The following TARBP1 variants were observed in gnomAD, a reference collection of about 807,000 sequenced individuals.
TARBP1 encodes tRNA (guanosine(18)-2'-O)-methyltransferase TARBP1.
TARBP1 carries 144 observed loss-of-function variants against 178.6 expected under a neutral mutation model. The ratio of observed to expected loss-of-function variants is 0.81; its 90% CI spans 0.70 to 0.93. The LOEUF (loss-of-function observed/expected upper bound fraction) is 0.93. Ranked by LOEUF, TARBP1 falls within the 40% of genes least tolerant of loss-of-function variation. TARBP1 has a pLI of 0.00. For synonymous variants in TARBP1, 787 were observed against 781.0 expected (o/e 1.01, Z -0.13); for missense variants, 2,067 against 2,011.7 (o/e 1.03, Z -0.53).
chr1:234,396,258 C>T (rs1325025613), intron 26 of TARBP1, among the ~76,000 whole-genome samples: 4 of 152,154 alleles, frequency 2.6e-5, no homozygotes, highest in Non-Finnish European at 4.4e-5. Flanking sequence ...CCTACAATGC[C>T]ATCTCTCTTC....
intron 26 of TARBP1, among the ~76,000 whole-genome samples, chr1:234,398,002 G>C (rs1199480503): frequency 1.3e-5 from 2 of 151,578 alleles, no homozygotes; most frequent in Non-Finnish European, 2.9e-5. Context: ...TTATTCCTAT[G>C]AAGGACAAAA....
At position 234,433,403 on chromosome 1, in the gene TARBP1, G is replaced by C. The variant is rs773122232; in HGVS notation, c.2394+7C>G. 5 of 1,612,846 alleles carry C rather than the reference G, an allele frequency of 3.1e-6. No homozygotes were observed. In the East Asian group the frequency reaches 8.9e-5, roughly 29 times the overall value. Reference sequence around the variant, plus strand: ...ATAACTACAAACCTTGAATCAAAGAGGCTTACCTGTCCACTGTCCATCTCT... The same window carrying C: ...ATAACTACAAACCTTGAATCAAAGACGCTTACCTGTCCACTGTCCATCTCT... On this transcript the variant is annotated splice_region_variant and intron_variant, in intron 14 of 29. Transcript: ENST00000040877.
At chr1:234,466,794 C>T (rs1404612899) in intron 4 of TARBP1, among the ~76,000 whole-genome samples, 9 of 151,674 alleles carry the variant, frequency 5.9e-5, no homozygotes, top group Non-Finnish European at 1.0e-4. Context: ...ACCTGGGAAG[C>T]GGAGGTTGCA....
At chr1:234,474,883 G>A (rs1374638119) in intron 1 of TARBP1, among the ~76,000 whole-genome samples, 2 of 152,202 alleles carry the variant, frequency 1.3e-5, no homozygotes, top group African/African-American at 2.4e-5. Flanking sequence ...GTTGTGCGGT[G>A]GGTGGGGGGA....
chr1:234,411,653 G>A (rs945873382), intron 22 of TARBP1, among the ~76,000 whole-genome samples: 2 of 152,116 alleles, frequency 1.3e-5, no homozygotes, highest in African/African-American at 2.4e-5. Context: ...AAGCTATAGC[G>A]AAAAACCTAT....
chr1:234,456,322 T>TC (rs1667281016), intron 9 of TARBP1, among the ~76,000 whole-genome samples: 1 of 152,226 alleles, frequency 6.6e-6, no homozygotes, highest in Admixed American at 6.5e-5. Context: ...TGTCTCAGCC[T>TC]CCCAAGTAGC....
At position 234,469,077 on chromosome 1, in the gene TARBP1, T is replaced by TTTAAA. The variant is rs1413764322; in HGVS notation, c.1100-1428_1100-1427insTTTAA. ...GTTTTTGCCTTTTTTTTTTTTTTTT[T>TTTAAA]AAAAAAAAAAAAAAGGCAAAAACCG... On this transcript the variant is annotated intron_variant, in intron 3 of 29. Transcript: ENST00000040877. Among the ~76,000 whole-genome samples, 16 of 63,782 alleles carry TTTAAA rather than the reference T, an allele frequency of 2.5e-4. No homozygotes were observed. The South Asian group carries it at 3.6e-3, about 14-fold the overall frequency. 41.8% of individuals were successfully genotyped at this position (63,782 alleles called of 152,430 possible). A position where few individuals can be genotyped will look rare whatever the true frequency, so the allele number is the denominator to read the frequency against.
chr1:234,396,261 C>G (rs1659925505), intron 26 of TARBP1, among the ~76,000 whole-genome samples: 1 of 152,190 alleles, frequency 6.6e-6, no homozygotes, highest in Non-Finnish European at 1.5e-5. Flanking sequence ...ACAATGCCAT[C>G]TCTCTTCCCT....
At position 234,406,465 on chromosome 1, in the gene TARBP1, G is replaced by A. The variant is rs564367205; in HGVS notation, c.3793-366C>T. 1.3e-4 allele frequency: 24 copies of A among 187,502 alleles called. No individual in the cohort carries two copies. The South Asian group carries it at 2.7e-3, about 21-fold the overall frequency. 11.6% of individuals were successfully genotyped at this position (187,502 alleles called of 1,614,324 possible). On this transcript the variant is annotated intron_variant, in intron 23 of 29. Transcript: ENST00000040877. ...ATCTCCTATTATCTTAATTTGTGCT[G>A]AGAAAGTCAGAAATAGTCTTCAAGA...
chr1:234,442,394 A>T (rs1665689416), intron 12 of TARBP1, among the ~76,000 whole-genome samples: 1 of 152,212 alleles, frequency 6.6e-6, no homozygotes, highest in Non-Finnish European at 1.5e-5. Flanking sequence ...AAAATGCTGT[A>T]TCTATCACTC....
At chr1:234,441,175 T>A (rs183975530) in intron 12 of TARBP1, among the ~76,000 whole-genome samples, 11 of 152,220 alleles carry the variant, frequency 7.2e-5, no homozygotes, top group African/African-American at 2.6e-4. Flanking sequence ...CAAAGTAAGA[T>A]CCTGTCTCTA....
chr1:234,462,544 C>G (rs1667962926), intron 6 of TARBP1, among the ~76,000 whole-genome samples: 1 of 152,112 alleles, frequency 6.6e-6, no homozygotes, highest in Admixed American at 6.5e-5. Flanking sequence ...CAAAAATTAG[C>G]TGGGCGTGGT....
intron 24 of TARBP1, among the ~76,000 whole-genome samples, chr1:234,405,070 T>C (rs1254045958): frequency 6.6e-6 from 1 of 152,206 alleles, no homozygotes; most frequent in Non-Finnish European, 1.5e-5. Flanking sequence ...TACATGTTAC[T>C]GGTTTTCCAA....
chr1:234,426,291 G>A (rs1663761434), intron 19 of TARBP1, among the ~76,000 whole-genome samples: 1 of 152,176 alleles, frequency 6.6e-6, no homozygotes, highest in Non-Finnish European at 1.5e-5. Flanking sequence ...AATGTGGAAA[G>A]ATAAATTAAG....
chr1:234,405,822 G>C lies in TARBP1; in HGVS notation c.3989+81C>G, dbSNP rs539574718. 3.5e-5 allele frequency: 47 copies of C among 1,342,752 alleles called. No homozygotes were observed. The African/African-American group carries it at 6.5e-4, about 19-fold the overall frequency. 83.2% of individuals were successfully genotyped at this position (1,342,752 alleles called of 1,614,324 possible). A position where few individuals can be genotyped will look rare whatever the true frequency, so the allele number is the denominator to read the frequency against. ...GCATGAGGATGTGGAAGGAGAAGCT[G>C]ACACAGTATGGGCACTGCCCCCTCC... On this transcript the variant is annotated intron_variant, in intron 24 of 29. Transcript: ENST00000040877.
intron 4 of TARBP1, 78 bp downstream of exon 4, chr1:234,467,424 G>A: frequency 7.7e-7 from 1 of 1,304,900 alleles, no homozygotes; most frequent in Non-Finnish European, 1.0e-6. Flanking sequence ...AATGTTACTT[G>A]CTGATACAGA....
chr1:234,478,275 C>A lies in TARBP1; in HGVS notation c.829G>T (p.Asp277Tyr). The change falls in exon 1 of 30, where the codon GAC becomes TAC. Residue 277 changes from aspartate to tyrosine, a missense_variant. Transcript: ENST00000040877. ...CGCGCTCGCTTGCGCGTCAGGGCGT[C>A]CGCCTGGCCCAGCCCCGCCTGCACC... The part of the protein sequence containing the change: ...RTVQAGLGQA[D>Y]ALTRKRARYL... 1.3e-6 allele frequency: 2 copies of A among 1,588,386 alleles called. No individual in the cohort carries two copies. Among genetic ancestry groups the A allele is most frequent in the South Asian group, 2.2e-5 (2 of 89,436 alleles).
Position 234,478,582 on chromosome 1 carries a change from C to A in TARBP1, c.522G>T (p.Gly174=). The change falls in exon 1 of 30, where the codon GGG becomes GGT. Residue 174 remains glycine (G), a synonymous_variant. Coordinates refer to ENST00000040877, the MANE Select transcript of TARBP1 (RefSeq NM_005646.4). Reference sequence around the variant, plus strand: ...GCCCGGCCTCATCCCCGTCCCCGCCCCCGCCCAGCGCCAGGGCGACGGCGG... The same window carrying A: ...GCCCGGCCTCATCCCCGTCCCCGCCACCGCCCAGCGCCAGGGCGACGGCGG... ...AGTAVALALG[G]GGDGDEAGPA... The A allele has an allele frequency of 3.1e-6, 4 of 1,293,306 alleles. No homozygotes were observed. Among genetic ancestry groups the A allele is most frequent in the Non-Finnish European group, 3.9e-6 (4 of 1,023,298 alleles). 80.1% of individuals were successfully genotyped at this position (1,293,306 alleles called of 1,614,324 possible).
At chr1:234,465,072 ATG>A (rs1491060503) in intron 5 of TARBP1, among the ~76,000 whole-genome samples, 138 of 108,744 alleles carry the variant, frequency 1.3e-3, no homozygotes, top group African/African-American at 5.8e-3. Flanking sequence ...GGATGAACGG[ATG>A]GATGGATGGA....
Sources: gnomAD v4.1 joint callset for allele counts (sites outside exome capture counted in the v4.1 genomes callset) on GRCh38, gnomAD v4.1.1 for gene constraint, MANE v1.5 for transcripts, NCBI Gene and HGNC (gene_info 2026-07-23, HGNC 2026-07-21) for gene names.